ZNF487: variants seen among roughly 807,000 people sequenced by gnomAD.
ZNF487 encodes the protein zinc finger protein 487.
ZNF487 carries 4 observed loss-of-function variants against 3.0 expected under a neutral mutation model. The ratio of observed to expected loss-of-function variants is 1.35; its 90% CI spans 0.66 to 3.08. ZNF487 has a LOEUF of 3.08. Ranked by LOEUF, ZNF487 falls within the 30% of genes most tolerant of loss-of-function variation. The pLI, the probability that ZNF487 is intolerant of heterozygous loss-of-function variation, is 0.01. For missense variants in ZNF487, 146 were observed against 98.7 expected, an observed-to-expected ratio of 1.48 and a Z score of -2.03; for synonymous variants, 55 against 34.6, an observed-to-expected ratio of 1.59 and a Z score of -2.06.
At chr10:43,451,434 G>C (rs757337358) in intron 1 of ZNF487, among the ~76,000 whole-genome samples, 2 of 151,038 alleles carry the variant, frequency 1.3e-5, no homozygotes, top group Non-Finnish European at 2.9e-5. Flanking sequence ...TAGTAGAGAC[G>C]GGGTTTCACC....
chr10:43,464,123 A>T (rs1028382558), intron 1 of ZNF487, among the ~76,000 whole-genome samples: 2 of 152,098 alleles, frequency 1.3e-5, no homozygotes. Context: ...AGACAGGCCT[A>T]AATTAGGCCT....
At chr10:43,505,917 A>G in the ZNF487 span, among the ~76,000 whole-genome samples, 6 of 152,250 alleles carry the variant, frequency 3.9e-5, no homozygotes, top group Non-Finnish European at 5.9e-5. Flanking sequence ...TGCTGGGATT[A>G]CAGGCGTGAG....
rs138767915 is a variant in ZNF487, at chr10:43,476,516, T to C, written c.130+314T>C. ...TATCTTCTTTTCATCATATATTATGTATTTATTCAATATGTATTAATTTGG... is the reference window on the plus strand; with the variant it reads ...TATCTTCTTTTCATCATATATTATGCATTTATTCAATATGTATTAATTTGG... On this transcript the variant is annotated intron_variant, in intron 3 of 3. Coordinates refer to ENST00000437590, the MANE Select transcript of ZNF487 (RefSeq NM_001355444.3). 6.1e-4 allele frequency among the ~76,000 whole-genome samples: 93 copies of C among 152,338 alleles called. 3 individuals are homozygous for C. The highest frequency in any genetic ancestry group is 2.0e-3 in the African/African-American group (84 of 41,580).
chr10:43,521,270 C>A, the ZNF487 span, among the ~76,000 whole-genome samples: 1 of 151,986 alleles, frequency 6.6e-6, no homozygotes, highest in Admixed American at 6.6e-5. Context: ...TAAAAATATA[C>A]CCATATATAT....
At chr10:43,505,684 C>T in the ZNF487 span, among the ~76,000 whole-genome samples, 188 of 152,124 alleles carry the variant, frequency 1.2e-3, no homozygotes, top group Non-Finnish European at 2.1e-3. Flanking sequence ...ACTCTTGTCA[C>T]GCAGGCTGAG....
the ZNF487 span, among the ~76,000 whole-genome samples, chr10:43,497,949 A>G: frequency 2.1e-5 from 3 of 146,270 alleles, no homozygotes; most frequent in Non-Finnish European, 4.5e-5. Context: ...CCTGGGCGAC[A>G]GAGCGAGACT....
At chr10:43,500,130 C>G in the ZNF487 span, among the ~76,000 whole-genome samples, 2 of 152,150 alleles carry the variant, frequency 1.3e-5, no homozygotes, top group African/African-American at 4.8e-5. Flanking sequence ...CTGCCTCGGC[C>G]TCCCAAAGTG....
intron 3 of ZNF487, among the ~76,000 whole-genome samples, chr10:43,476,796 A>G (rs1340645414): frequency 1.3e-5 from 2 of 152,194 alleles, no homozygotes; most frequent in African/African-American, 2.4e-5. Context: ...CGTGGAAGTC[A>G]AGGGGTGATG....
chr10:43,508,413 G>A, the ZNF487 span, among the ~76,000 whole-genome samples: 1 of 152,176 alleles, frequency 6.6e-6, no homozygotes, highest in Non-Finnish European at 1.5e-5. Context: ...ACCTTAAAAT[G>A]TACCGTGGTG....
At chr10:43,450,487 G>A (rs1360210045) in intron 1 of ZNF487, among the ~76,000 whole-genome samples, 1 of 151,996 alleles carries the variant, frequency 6.6e-6, no homozygotes, top group Non-Finnish European at 1.5e-5. Context: ...TGAGTATCTG[G>A]GATTACAGGA....
At chr10:43,488,805 G>A in the ZNF487 span, among the ~76,000 whole-genome samples, 1 of 152,054 alleles carries the variant, frequency 6.6e-6, no homozygotes, top group African/African-American at 2.4e-5. Context: ...AAGAAAGTAT[G>A]GCTACTTCAA....
chr10:43,447,250 A>ATTTTTTTTTTTTTTC (rs1554795444), intron 1 of ZNF487, among the ~76,000 whole-genome samples: 1 of 149,182 alleles, frequency 6.7e-6, no homozygotes, highest in Non-Finnish European at 1.5e-5. Context: ...GGAGAACAAC[A>ATTTTTTTTTTTTTTC]TTTTTTTTTT....
chr10:43,455,146 C>T (rs1840136381), intron 1 of ZNF487, among the ~76,000 whole-genome samples: 1 of 151,538 alleles, frequency 6.6e-6, no homozygotes, highest in Non-Finnish European at 1.5e-5. Flanking sequence ...GTAGCTGGAA[C>T]TATAGGCGCC....
At chr10:43,443,694 AT>A (rs948709516) in intron 1 of ZNF487, among the ~76,000 whole-genome samples, 3 of 149,186 alleles carry the variant, frequency 2.0e-5, no homozygotes, top group East Asian at 2.0e-4. Context: ...GTTTTAATCA[AT>A]TTTTTTTGTA....
chr10:43,444,300 G>T (rs1285111387), intron 1 of ZNF487, among the ~76,000 whole-genome samples: 1 of 152,118 alleles, frequency 6.6e-6, no homozygotes, highest in Non-Finnish European at 1.5e-5. Flanking sequence ...GAGGCAAAAA[G>T]AATACCCAGT....
chr10:43,466,580 A>G (rs1297319212), intron 1 of ZNF487, among the ~76,000 whole-genome samples: 1 of 141,548 alleles, frequency 7.1e-6, no homozygotes, highest in Non-Finnish European at 1.6e-5. Context: ...TTTTTGTATT[A>G]TTAGTAGAGA....
At position 43,468,848 on chromosome 10, in the gene ZNF487, G is replaced by C. The variant is rs533676004; in HGVS notation, c.-93-6873G>C. The stretch of plus-strand genomic sequence containing the variant: ...ACTAAAAATACAAAAAATTAGCTGG[G>C]TGTAGTGGTGGGCGCCTGTAGTCCC... On this transcript the variant is annotated intron_variant, in intron 1 of 3. Coordinates refer to ENST00000437590, the MANE Select transcript of ZNF487 (RefSeq NM_001355444.3). 6.1e-3 allele frequency among the ~76,000 whole-genome samples: 927 copies of C among 151,584 alleles called. 10 individuals carry two copies. The highest frequency in any genetic ancestry group is 0.018 in the African/African-American group (735 of 41,380).
rs188037605 is a variant in ZNF487, at chr10:43,477,669, A to G, written c.130+1467A>G. On this transcript the variant is annotated intron_variant, in intron 3 of 3. Transcript: ENST00000437590. Reference sequence around the variant, plus strand: ...GATTAGACTGAAAAAAAAAAAAATGAGGTCGGGCTTGGTGGCTCAGGCCTG... The same window carrying G: ...GATTAGACTGAAAAAAAAAAAAATGGGGTCGGGCTTGGTGGCTCAGGCCTG... Among the ~76,000 whole-genome samples, 131 of 147,376 alleles carry G rather than the reference A, an allele frequency of 8.9e-4. 1 individual carries two copies. Among genetic ancestry groups the G allele is most frequent in the African/African-American group, 3.1e-3 (125 of 40,626 alleles).
intron 1 of ZNF487, among the ~76,000 whole-genome samples, chr10:43,440,759 T>C (rs1389377560): frequency 2.0e-5 from 3 of 152,092 alleles, no homozygotes; most frequent in Non-Finnish European, 4.4e-5. Context: ...GGGTAACCAC[T>C]GTCTTCAACT....
Sources: allele counts gnomAD v4.1 joint callset (sites outside exome capture counted in the v4.1 genomes callset), GRCh38; gene constraint gnomAD v4.1.1; transcripts MANE v1.5; gene names NCBI Gene and HGNC (gene_info 2026-07-23, HGNC 2026-07-21).